The following DMD variants were observed in gnomAD, a reference collection of about 807,000 sequenced individuals.
The protein encoded by DMD is dystrophin.
In DMD, 63 loss-of-function variants were observed where a neutral mutation model predicts 330.1. The ratio of observed to expected loss-of-function variants is 0.19; its 90% CI spans 0.16 to 0.24. The LOEUF (loss-of-function observed/expected upper bound fraction) is 0.24, where lower values mean the gene tolerates loss of function less well. DMD is among the 10% of genes least tolerant of loss of function. The pLI is 1.00. For missense variants in DMD, 3,344 were observed against 2,684.1 expected, an observed-to-expected ratio of 1.25 and a Z score of -5.43; for synonymous variants, 1,223 against 959.8, an observed-to-expected ratio of 1.27 and a Z score of -5.07.
At chrX:31,521,344 G>T in intron 55 of DMD, among the ~76,000 whole-genome samples, 1 of 110,377 alleles carries the variant, frequency 9.1e-6, no homozygotes, top group East Asian at 2.9e-4. Context: ...TTTATTTTTA[G>T]TAGAGACAGG....
At chrX:32,365,598 CTTTTAGTG>C (rs2097851678) in intron 34 of DMD, among the ~76,000 whole-genome samples, 1 of 110,892 alleles carries the variant, frequency 9.0e-6, no homozygotes, top group Non-Finnish European at 1.9e-5. Flanking sequence ...TTTTTTTAGC[CTTTTAGTG>C]CCATGGATCT....
At chrX:33,207,153 G>A (rs1018163225) in intron 1 of DMD, among the ~76,000 whole-genome samples, 1 of 111,421 alleles carries the variant, frequency 9.0e-6, no homozygotes. Flanking sequence ...TTGTGCTTAA[G>A]AAAATTTATA....
intron 1 of DMD, among the ~76,000 whole-genome samples, chrX:33,299,101 ATTTAT>A (rs1168027432): frequency 8.9e-6 from 1 of 112,180 alleles, no homozygotes; most frequent in African/African-American, 3.2e-5. Context: ...TATTTTCTCT[ATTTAT>A]TTTAAATGTA....
intron 7 of DMD, among the ~76,000 whole-genome samples, chrX:32,715,106 C>A (rs1465852068): frequency 9.0e-6 from 1 of 111,376 alleles, no homozygotes; most frequent in Non-Finnish European, 1.9e-5. Flanking sequence ...CCATTTCCTC[C>A]TTCCACCCCC....
intron 57 of DMD, among the ~76,000 whole-genome samples, chrX:31,494,514 G>C (rs760204332): frequency 1.8e-5 from 2 of 111,696 alleles, no homozygotes; most frequent in South Asian, 3.8e-4. Context: ...TTAACAGGTA[G>C]CTATCTGAGC....
intron 11 of DMD, among the ~76,000 whole-genome samples, chrX:32,615,424 C>G (rs1436873009): frequency 9.0e-6 from 1 of 111,194 alleles, no homozygotes; most frequent in Admixed American, 9.6e-5. Flanking sequence ...ATTAATTACA[C>G]AACTTTATGT....
chrX:31,211,712 A>G (rs975788617), intron 64 of DMD, among the ~76,000 whole-genome samples: 1 of 112,135 alleles, frequency 8.9e-6, no homozygotes, highest in Non-Finnish European at 1.9e-5. Context: ...TCCAGAGGGG[A>G]GCAAAGCAAT....
chrX:32,427,016 C>T (rs1440711823), intron 29 of DMD, among the ~76,000 whole-genome samples: 1 of 110,968 alleles, frequency 9.0e-6, no homozygotes, highest in African/African-American at 3.3e-5. Context: ...ATGCTTATTA[C>T]CTGGGTGATG....
chrX:32,439,231 C>A (rs1468545359), intron 28 of DMD, among the ~76,000 whole-genome samples: 1 of 111,445 alleles, frequency 9.0e-6, no homozygotes, highest in Non-Finnish European at 1.9e-5. Flanking sequence ...AAATGAAAAT[C>A]TTCCAATACA....
At chrX:32,740,070 A>T (rs1452916330) in intron 7 of DMD, among the ~76,000 whole-genome samples, 1 of 108,878 alleles carries the variant, frequency 9.2e-6, no homozygotes, top group Non-Finnish European at 1.9e-5. Context: ...TCATCAAATT[A>T]AATGTGAACA....
intron 44 of DMD, among the ~76,000 whole-genome samples, chrX:32,148,124 G>A (rs1036525604): frequency 6.4e-5 from 7 of 110,179 alleles, no homozygotes; most frequent in Non-Finnish European, 1.3e-4. Flanking sequence ...TGATCAGCCC[G>A]CCTCGGCCTC....
intron 60 of DMD, among the ~76,000 whole-genome samples, chrX:31,380,780 C>T (rs1311724184): frequency 1.8e-5 from 2 of 110,104 alleles, no homozygotes; most frequent in Admixed American, 2.0e-4. Context: ...TCCTTTGCAC[C>T]CTTCACCCCA....
Position 32,307,071 on chromosome X carries a change from A to T in DMD, c.6117+3011T>A, listed in dbSNP as rs764393951. Among the ~76,000 whole-genome samples, 3 of 111,341 alleles carry T rather than the reference A, an allele frequency of 2.7e-5. No individual in the cohort carries two copies. In the South Asian group the frequency reaches 1.1e-3, roughly 41 times the overall value. On this transcript the variant is annotated intron_variant, in intron 42 of 78. Coordinates refer to ENST00000357033, the MANE Select transcript of DMD (RefSeq NM_004006.3). ...TATTTCTAAGAATTTCTCTACGTAA[A>T]TGCTAACTACACAGTAAATATGTCA...
chrX:33,206,149 C>T (rs1029803495), intron 1 of DMD, among the ~76,000 whole-genome samples: 7 of 111,789 alleles, frequency 6.3e-5, no homozygotes, highest in Admixed American at 5.7e-4. Context: ...AGGCAAAGCT[C>T]TTCCTCAGAT....
chrX:32,121,302 A>G (rs1253583321), intron 44 of DMD, among the ~76,000 whole-genome samples: 3 of 109,970 alleles, frequency 2.7e-5, no homozygotes, highest in Non-Finnish European at 5.7e-5. Context: ...CAATATTCAC[A>G]TTTTTAGCAC....
chrX:31,940,049 C>T (rs772430162), intron 45 of DMD, among the ~76,000 whole-genome samples: 15 of 111,695 alleles, frequency 1.3e-4, no homozygotes, highest in Non-Finnish European at 2.3e-4. Context: ...GGCAGCAATC[C>T]CTGCCTCATG....
At chrX:32,687,560 G>A (rs1023091346) in intron 9 of DMD, among the ~76,000 whole-genome samples, 1 of 110,554 alleles carries the variant, frequency 9.0e-6, no homozygotes, top group Non-Finnish European at 1.9e-5. Context: ...AGCATTTAGT[G>A]AGTGACTGCA....
rs150911818 is a variant in DMD, at chrX:31,955,201, A to C, written c.6614+13138T>G. ...CAAAAAAGAAAGTTCATAAAAGCAT[A>C]TCAAATATAGTACTTTTCCTTAGAC... On this transcript the variant is annotated intron_variant, in intron 45 of 78. Transcript: ENST00000357033. 5.4e-3 allele frequency among the ~76,000 whole-genome samples: 596 copies of C among 111,260 alleles called. 4 individuals are homozygous for C. The highest frequency in any genetic ancestry group is 0.017 in the African/African-American group (521 of 30,666).
At chrX:32,268,739 G>A (rs2097353968) in intron 43 of DMD, among the ~76,000 whole-genome samples, 1 of 111,667 alleles carries the variant, frequency 9.0e-6, no homozygotes, top group Non-Finnish European at 1.9e-5. Flanking sequence ...TCTACATAGA[G>A]GTAAGGAAAA....
Sources: allele counts gnomAD v4.1 joint callset (sites outside exome capture counted in the v4.1 genomes callset), GRCh38; gene constraint gnomAD v4.1.1; transcripts MANE v1.5; gene names NCBI Gene and HGNC (gene_info 2026-07-23, HGNC 2026-07-21).